CAMSAP2: variants seen among roughly 807,000 people sequenced by gnomAD.
The protein encoded by CAMSAP2 is calmodulin regulated spectrin associated protein family member 2.
CAMSAP2 carries 26 observed loss-of-function variants against 146.1 expected under a neutral mutation model. The ratio of observed to expected loss-of-function variants is 0.18; its 90% CI spans 0.13 to 0.25. CAMSAP2 has a LOEUF of 0.25. CAMSAP2 is among the 10% of genes least tolerant of loss of function. The pLI is 1.00. For missense variants in CAMSAP2, 1,381 were observed against 1,759.3 expected (o/e 0.78, Z 3.85); for synonymous variants, 499 against 596.6 (o/e 0.84, Z 2.38).
intron 4 of CAMSAP2, among the ~76,000 whole-genome samples, chr1:200,816,801 C>T (rs1323467134): frequency 1.0e-5 from 1 of 95,408 alleles, no homozygotes; most frequent in Non-Finnish European, 2.0e-5. Flanking sequence ...TACACACACA[C>T]GCGTGTATAT....
At chr1:200,836,491 G>A (rs59966154) in intron 6 of CAMSAP2, among the ~76,000 whole-genome samples, 308 of 152,172 alleles carry the variant, frequency 2.0e-3, no homozygotes, top group African/African-American at 6.7e-3. Flanking sequence ...CCAGTCTAGC[G>A]TCAATGGGCA....
intron 2 of CAMSAP2, among the ~76,000 whole-genome samples, chr1:200,768,009 CA>C (rs1162413580): frequency 6.6e-6 from 1 of 152,214 alleles, no homozygotes; most frequent in African/African-American, 2.4e-5. Flanking sequence ...TAGGTGATCT[CA>C]CAAAGACTCT....
chr1:200,814,609 C>CAAAAAAAAAAAA (rs1204730822), intron 3 of CAMSAP2, among the ~76,000 whole-genome samples: 1 of 24,102 alleles, frequency 4.1e-5, no homozygotes, highest in Non-Finnish European at 7.0e-5. Context: ...GATTGCATCC[C>CAAAAAAAAAAAA]AAAAAAAAAA....
At position 200,858,089 on chromosome 1, in the gene CAMSAP2, C is replaced by T. The variant is rs1336240218; in HGVS notation, c.*30C>T. ...TGGGAAATACTTGCTTCAGAACATTCATGGTAAATTTGCACTTCATCTTTC... is the reference window on the plus strand; with the variant it reads ...TGGGAAATACTTGCTTCAGAACATTTATGGTAAATTTGCACTTCATCTTTC... On this transcript the variant is annotated 3_prime_UTR_variant, in exon 17 of 17. Coordinates refer to ENST00000358823, the MANE Select transcript of CAMSAP2 (RefSeq NM_203459.4). The T allele has an allele frequency of 2.6e-6, 4 of 1,514,890 alleles. No individual in the cohort carries two copies. The African/African-American group carries it at 4.2e-5, about 16-fold the overall frequency. The allele number at this position is 1,514,890 out of a possible 1,614,324, so 93.8% of individuals were successfully genotyped here.
At chr1:200,749,411 A>G (rs1054735892) in intron 1 of CAMSAP2, among the ~76,000 whole-genome samples, 5 of 150,194 alleles carry the variant, frequency 3.3e-5, no homozygotes, top group Non-Finnish European at 7.4e-5. Context: ...TTAAGGACTC[A>G]TGAATATCAT....
At chr1:200,817,211 T>TATGTGTGTGTATATACACAC (rs1415827685) in intron 4 of CAMSAP2, among the ~76,000 whole-genome samples, 1 of 56,140 alleles carries the variant, frequency 1.8e-5, no homozygotes, top group Non-Finnish European at 3.3e-5. Flanking sequence ...TATACACACA[T>TATGTGTGTGTATATACACAC]ACACACATAT....
chr1:200,833,869 A>G (rs1438298785), intron 6 of CAMSAP2, among the ~76,000 whole-genome samples: 1 of 152,150 alleles, frequency 6.6e-6, no homozygotes, highest in East Asian at 1.9e-4. Flanking sequence ...ATTGAAATTT[A>G]GTTTGTTTAT....
At chr1:200,821,969 G>C (rs368489373) in intron 4 of CAMSAP2, among the ~76,000 whole-genome samples, 2 of 152,108 alleles carry the variant, frequency 1.3e-5, no homozygotes, top group East Asian at 3.9e-4. Flanking sequence ...AACTTTTAAA[G>C]AACTTTTATT....
At position 200,857,957 on chromosome 1, in the gene CAMSAP2, TA is replaced by T; in HGVS notation, c.4339del (p.Thr1447LeufsTer22). 6.2e-7 allele frequency: 1 copy of T among 1,613,916 alleles called. No homozygotes were observed. The highest frequency in any genetic ancestry group is 8.5e-7 in the Non-Finnish European group (1 of 1,179,846). On this transcript the variant is annotated frameshift_variant, in exon 17 of 17. Coordinates refer to ENST00000358823, the MANE Select transcript of CAMSAP2 (RefSeq NM_203459.4). LOFTEE classifies it high-confidence loss of function. This position sits in a 1 kb window ranked among gnomAD's most constrained non-coding sequence, Gnocchi z 4.7. ...DRKQFSHIPA[K>X]TLSASVDAIT... ...GGAAACAGTTTAGCCACATACCCGCTAAAACTTTATCTGCCAGTGTTGATGC... is the reference window on the plus strand; with the variant it reads ...GGAAACAGTTTAGCCACATACCCGCTAAACTTTATCTGCCAGTGTTGATGC...
Position 200,784,458 on chromosome 1 carries a change from T to C in CAMSAP2, c.400-22918T>C, listed in dbSNP as rs76065474. Among the ~76,000 whole-genome samples, 959 of 152,276 alleles carry C rather than the reference T, an allele frequency of 6.3e-3. 16 individuals carry two copies. The highest frequency in any genetic ancestry group is 0.022 in the African/African-American group (923 of 41,556). The stretch of plus-strand genomic sequence containing the variant: ...AGTATTCTTTAATTTATTTCAGTAG[T>C]GTTTTATAGTTTTTAGCATATGAGA... On this transcript the variant is annotated intron_variant, in intron 2 of 16. Coordinates refer to ENST00000358823, the MANE Select transcript of CAMSAP2 (RefSeq NM_203459.4).
intron 2 of CAMSAP2, among the ~76,000 whole-genome samples, chr1:200,792,791 C>T (rs1294639290): frequency 1.3e-5 from 2 of 152,122 alleles, no homozygotes; most frequent in African/African-American, 4.8e-5. Context: ...GTAGATGTGA[C>T]TGGGAAAGGG....
intron 7 of CAMSAP2, among the ~76,000 whole-genome samples, chr1:200,842,860 C>T (rs1407258202): frequency 3.3e-5 from 5 of 151,732 alleles, no homozygotes; most frequent in Non-Finnish European, 7.4e-5. Context: ...CCTGTAATTC[C>T]AGCTACTCGG....
chr1:200,851,308 C>G (rs966655510), intron 11 of CAMSAP2, among the ~76,000 whole-genome samples: 3 of 152,176 alleles, frequency 2.0e-5, no homozygotes, highest in Non-Finnish European at 4.4e-5. Flanking sequence ...TCAGGCGATT[C>G]TCCTGCCACA....
intron 1 of CAMSAP2, among the ~76,000 whole-genome samples, chr1:200,750,888 C>T (rs1346831451): frequency 6.9e-6 from 1 of 144,396 alleles, no homozygotes; most frequent in African/African-American, 2.6e-5. Context: ...TAGGCATGAG[C>T]CACCGCGCCT....
Position 200,832,492 on chromosome 1 carries a change from T to A in CAMSAP2, c.787+151T>A. The stretch of plus-strand genomic sequence containing the variant: ...TTTAATAAGTACTGAAGACTTTTTT[T>A]TAAAAATAAAGAACATTTATATATA... On this transcript the variant is annotated intron_variant, in intron 5 of 16. Coordinates refer to ENST00000358823, the MANE Select transcript of CAMSAP2 (RefSeq NM_203459.4). The surrounding 1 kb of genome is among the most constrained non-coding windows in gnomAD (Gnocchi z 4.2). 1.2e-6 allele frequency: 1 copy of A among 861,458 alleles called. No homozygotes were observed. The highest frequency in any genetic ancestry group is 1.7e-6 in the Non-Finnish European group (1 of 605,186). The allele number at this position is 861,458 out of a possible 1,614,324, so 53.4% of individuals were successfully genotyped here.
chr1:200,831,155 T>C (rs532440951), intron 4 of CAMSAP2, among the ~76,000 whole-genome samples: 32 of 152,346 alleles, frequency 2.1e-4, no homozygotes, highest in Admixed American at 6.5e-4. Context: ...TAATTTATGT[T>C]ATATATTTTG....
Position 200,848,518 on chromosome 1 carries a change from G to A in CAMSAP2, c.1749G>A (p.Lys583=), listed in dbSNP as rs752038097. The change falls in exon 11 of 17, where the codon AAG becomes AAA. Residue 583 remains lysine (K), a synonymous_variant. Coordinates refer to ENST00000358823, the MANE Select transcript of CAMSAP2 (RefSeq NM_203459.4). ...QEMSILNSNI[K]LNQSSPDNVT... is the part of the protein sequence containing the mutation. ...TGAGTATCTTAAATTCAAATATCAA[G>A]TTAAATCAATCTAGTCCTGATAATG... 1.2e-6 allele frequency: 2 copies of A among 1,613,766 alleles called. No individual in the cohort carries two copies. The highest frequency in any genetic ancestry group is 2.2e-5 in the East Asian group (1 of 44,888).
At chr1:200,843,521 C>T (rs1177035626) in intron 7 of CAMSAP2, among the ~76,000 whole-genome samples, 1 of 152,122 alleles carries the variant, frequency 6.6e-6, no homozygotes, top group Admixed American at 6.5e-5. Context: ...ATTTTCATAA[C>T]CAATATTTGT....
rs752583183 is a variant in CAMSAP2, at chr1:200,853,240, T to C, written c.3603-35T>C. The C allele has an allele frequency of 3.2e-6, 5 of 1,572,124 alleles. No individual in the cohort carries two copies. The highest frequency in any genetic ancestry group is 1.7e-5 in the Admixed American group (1 of 58,970). On this transcript the variant is annotated intron_variant, in intron 12 of 16. Coordinates refer to ENST00000358823, the MANE Select transcript of CAMSAP2 (RefSeq NM_203459.4). The surrounding 1 kb of genome is among the most constrained non-coding windows in gnomAD (Gnocchi z 5.1). ...TCTCCTGTATGGTTTGTCTTTGGTA[T>C]GCAGAATAAGAACTGTAACCATTTG...
Sources: gnomAD v4.1 joint callset for allele counts (sites outside exome capture counted in the v4.1 genomes callset) on GRCh38, gnomAD v4.1.1 for gene constraint, Gnocchi (gnomAD v3.1) non-coding constraint, MANE v1.5 for transcripts, NCBI Gene and HGNC (gene_info 2026-07-23, HGNC 2026-07-21) for gene names.